NKAIN2: variants seen among roughly 807,000 people sequenced by gnomAD.
NKAIN2 encodes the protein sodium/potassium transporting ATPase interacting 2, also known as sodium/potassium-transporting ATPase subunit beta-1-interacting protein 2.
NKAIN2 carries 14 observed loss-of-function variants against 32.6 expected under a neutral mutation model. The observed-to-expected ratio is 0.43, with a 90% CI of 0.28 to 0.67. The LOEUF (loss-of-function observed/expected upper bound fraction) is 0.67. NKAIN2 is among the 30% of genes least tolerant of loss of function. NKAIN2 has a pLI of 0.17. For missense variants in NKAIN2, 198 were observed against 258.3 expected (o/e 0.77, Z 1.60); for synonymous variants, 80 against 87.2 (o/e 0.92, Z 0.46).
chr6:124,312,767 G>C (rs1442599457), intron 2 of NKAIN2, among the ~76,000 whole-genome samples: 1 of 152,162 alleles, frequency 6.6e-6, no homozygotes, highest in Non-Finnish European at 1.5e-5. Context: ...AATGCTAATA[G>C]ACTGAGTGGG....
chr6:124,163,091 T>G (rs1479950981), intron 1 of NKAIN2, among the ~76,000 whole-genome samples: 1 of 152,080 alleles, frequency 6.6e-6, no homozygotes. Flanking sequence ...CTGTGAATAT[T>G]GGAACACTAG....
intron 1 of NKAIN2, among the ~76,000 whole-genome samples, chr6:123,996,313 C>A (rs917562591): frequency 1.3e-5 from 1 of 77,618 alleles, no homozygotes; most frequent in African/African-American, 6.7e-5. Context: ...AAGGGTCTCA[C>A]AATTTGCTCA....
chr6:124,728,541 G>C (rs200175458), intron 4 of NKAIN2, among the ~76,000 whole-genome samples: 11,699 of 98,866 alleles, frequency 0.12, 507 homozygotes, highest in East Asian at 0.32. Context: ...CAGAATCTCT[G>C]GGACACATTC....
At chr6:124,818,010 C>CA (rs1252392185) in intron 5 of NKAIN2, among the ~76,000 whole-genome samples, 2,475 of 152,226 alleles carry the variant, frequency 0.016, no homozygotes, top group African/African-American at 0.054. Flanking sequence ...TATTTATATG[C>CA]TGTAACATTT....
At chr6:124,558,033 G>A (rs1335005797) in intron 3 of NKAIN2, among the ~76,000 whole-genome samples, 2 of 152,318 alleles carry the variant, frequency 1.3e-5, no homozygotes, top group African/African-American at 2.4e-5. Context: ...ACAAAAGAGA[G>A]TGTGTTATGT....
chr6:124,375,240 C>G (rs1583150533), intron 3 of NKAIN2, among the ~76,000 whole-genome samples: 1 of 151,912 alleles, frequency 6.6e-6, no homozygotes, highest in East Asian at 1.9e-4. Flanking sequence ...TACTTGTCTT[C>G]ACTGCTAATC....
At chr6:124,106,942 A>G (rs78016440) in intron 1 of NKAIN2, among the ~76,000 whole-genome samples, 1 of 152,294 alleles carries the variant, frequency 6.6e-6, no homozygotes, top group East Asian at 1.9e-4. Context: ...ACCATATTAG[A>G]GATAGGCACT....
chr6:124,348,971 A>T (rs1290629622), intron 2 of NKAIN2, among the ~76,000 whole-genome samples: 1 of 152,138 alleles, frequency 6.6e-6, no homozygotes, highest in East Asian at 1.9e-4. Context: ...GGAGGGTCCT[A>T]TGCCCAGGGA....
chr6:123,860,335 A>G (rs1379998673), intron 1 of NKAIN2, among the ~76,000 whole-genome samples: 3 of 152,176 alleles, frequency 2.0e-5, no homozygotes, highest in Non-Finnish European at 4.4e-5. Context: ...CAGAAACAGT[A>G]ATTATAAGGC....
intron 3 of NKAIN2, among the ~76,000 whole-genome samples, chr6:124,403,463 C>T (rs1044432879): frequency 3.3e-5 from 5 of 152,116 alleles, no homozygotes; most frequent in Admixed American, 2.0e-4. Context: ...CCCCTTACTT[C>T]GCTGGTTAGG....
At chr6:124,785,692 A>C (rs1582521007) in intron 4 of NKAIN2, among the ~76,000 whole-genome samples, 1 of 152,130 alleles carries the variant, frequency 6.6e-6, no homozygotes, top group South Asian at 2.1e-4. Flanking sequence ...CCTGCCCCCC[A>C]CTAGCCTCTG....
chr6:123,864,181 T>C (rs1485623165), intron 1 of NKAIN2, among the ~76,000 whole-genome samples: 1 of 152,202 alleles, frequency 6.6e-6, no homozygotes, highest in Admixed American at 6.5e-5. Context: ...TCTCCCAGAT[T>C]TCTATAGCCT....
chr6:124,289,511 A>G (rs1795704774), intron 2 of NKAIN2, among the ~76,000 whole-genome samples: 2 of 152,214 alleles, frequency 1.3e-5, no homozygotes, highest in African/African-American at 2.4e-5. Context: ...AAAGATTACG[A>G]CACAGCAACT....
intron 3 of NKAIN2, among the ~76,000 whole-genome samples, chr6:124,464,098 A>G (rs1283007897): frequency 1.3e-5 from 2 of 151,912 alleles, no homozygotes; most frequent in African/African-American, 4.8e-5. Context: ...TTCTATTCTC[A>G]TGCCCCAGCC....
chr6:124,469,431 A>G (rs2114668869), intron 3 of NKAIN2, among the ~76,000 whole-genome samples: 1 of 152,306 alleles, frequency 6.6e-6, no homozygotes, highest in African/African-American at 2.4e-5. Context: ...TGGTCAATAT[A>G]ATTATATGAC....
chr6:123,947,734 A>G (rs1483492798), intron 1 of NKAIN2, among the ~76,000 whole-genome samples: 1 of 152,142 alleles, frequency 6.6e-6, no homozygotes, highest in African/African-American at 2.4e-5. Flanking sequence ...CATCTCGAGC[A>G]TTTATCATTT....
intron 3 of NKAIN2, among the ~76,000 whole-genome samples, chr6:124,361,474 A>G (rs1799285794): frequency 6.6e-6 from 1 of 152,042 alleles, no homozygotes; most frequent in South Asian, 2.1e-4. Context: ...TGTACACTTA[A>G]AACAACCCAA....
At chr6:123,849,179 T>C (rs1388526540) in intron 1 of NKAIN2, among the ~76,000 whole-genome samples, 3 of 152,228 alleles carry the variant, frequency 2.0e-5, no homozygotes, top group African/African-American at 7.2e-5. Context: ...TGTACAACTT[T>C]TAGATAAACT....
chr6:124,316,298 A>G (rs1583037228), intron 2 of NKAIN2, among the ~76,000 whole-genome samples: 1 of 152,224 alleles, frequency 6.6e-6, no homozygotes, highest in East Asian at 1.9e-4. Context: ...TAAGAAAGAA[A>G]AATCAACATA....
Sources: gnomAD v4.1 joint callset for allele counts (sites outside exome capture counted in the v4.1 genomes callset) on GRCh38, gnomAD v4.1.1 for gene constraint, MANE v1.5 for transcripts, NCBI Gene and HGNC (gene_info 2026-07-23, HGNC 2026-07-21) for gene names.